VAT1L: variants seen among roughly 807,000 people sequenced by gnomAD.
VAT1L encodes putative NADPH-dependent quinone oxidoreductase VAT1L.
In VAT1L, 34 loss-of-function variants were observed where a neutral mutation model predicts 44.1. That is an observed-to-expected ratio of 0.77 (90% CI 0.59 to 1.03). VAT1L has a LOEUF of 1.03. Ranked by LOEUF, VAT1L falls within the 50% of genes least tolerant of loss-of-function variation. VAT1L has a pLI of 0.00. For synonymous variants in VAT1L, 253 were observed against 202.2 expected, an observed-to-expected ratio of 1.25 and a Z score of -2.13; for missense variants, 615 against 538.8, an observed-to-expected ratio of 1.14 and a Z score of -1.40.
intron 4 of VAT1L, among the ~76,000 whole-genome samples, chr16:77,870,534 G>A (rs981659458): frequency 4.6e-5 from 7 of 152,326 alleles, no homozygotes; most frequent in Admixed American, 1.3e-4. Flanking sequence ...AAGGAAAGAG[G>A]CAGCATTCAC....
chr16:77,869,904 G>C (rs2017013187), intron 4 of VAT1L, among the ~76,000 whole-genome samples: 2 of 152,270 alleles, frequency 1.3e-5, no homozygotes, highest in East Asian at 3.9e-4. Context: ...TATAAGATCA[G>C]AAAAGGCAGA....
At chr16:77,843,173 T>A (rs1567484875) in intron 3 of VAT1L, among the ~76,000 whole-genome samples, 1 of 152,238 alleles carries the variant, frequency 6.6e-6, no homozygotes, top group Non-Finnish European at 1.5e-5. Flanking sequence ...TCTACCCATC[T>A]GCTCATTGCC....
At chr16:77,832,248 C>G (rs1314328414) in intron 3 of VAT1L, among the ~76,000 whole-genome samples, 2 of 152,090 alleles carry the variant, frequency 1.3e-5, no homozygotes, top group African/African-American at 4.8e-5. Context: ...CTCGGTAAAA[C>G]TAAAGTTATT....
chr16:77,825,987 C>T (rs1436235105), intron 3 of VAT1L, among the ~76,000 whole-genome samples: 2 of 136,626 alleles, frequency 1.5e-5, no homozygotes, highest in African/African-American at 5.5e-5. Context: ...TGCGCCACTG[C>T]ACTCCAGCCT....
chr16:77,941,296 C>A (rs1456092026), intron 7 of VAT1L, among the ~76,000 whole-genome samples: 1 of 152,156 alleles, frequency 6.6e-6, no homozygotes, highest in Non-Finnish European at 1.5e-5. Flanking sequence ...CAGTAACTCT[C>A]TACCTTTAGA....
At chr16:77,973,121 G>A (rs1390243259) in intron 8 of VAT1L, among the ~76,000 whole-genome samples, 1 of 152,154 alleles carries the variant, frequency 6.6e-6, no homozygotes, top group Non-Finnish European at 1.5e-5. Context: ...GGTGTGGTCA[G>A]TGCACAGACC....
At chr16:77,826,157 A>G (rs1393276351) in intron 3 of VAT1L, among the ~76,000 whole-genome samples, 1 of 149,754 alleles carries the variant, frequency 6.7e-6, no homozygotes, top group Non-Finnish European at 1.5e-5. Context: ...CAGTGAGCCG[A>G]GATCCCGCCA....
intron 3 of VAT1L, among the ~76,000 whole-genome samples, chr16:77,842,859 A>C (rs954257388): frequency 7.2e-5 from 11 of 152,200 alleles, no homozygotes; most frequent in Non-Finnish European, 1.6e-4. Flanking sequence ...TGTATGCATA[A>C]TATGTATGTA....
intron 2 of VAT1L, among the ~76,000 whole-genome samples, chr16:77,818,184 A>G (rs1244152525): frequency 6.6e-6 from 1 of 152,174 alleles, no homozygotes; most frequent in Non-Finnish European, 1.5e-5. Flanking sequence ...AGAATCCTAT[A>G]AAATGCAGTG....
intron 2 of VAT1L, among the ~76,000 whole-genome samples, chr16:77,823,564 A>G (rs545555442): frequency 2.9e-4 from 44 of 152,324 alleles, no homozygotes; most frequent in African/African-American, 9.1e-4. Context: ...TCATTAGGCA[A>G]GATACTCAAC....
At chr16:77,804,946 G>T (rs370935577) in intron 1 of VAT1L, among the ~76,000 whole-genome samples, 13 of 152,090 alleles carry the variant, frequency 8.5e-5, no homozygotes, top group African/African-American at 3.1e-4. Flanking sequence ...CAGATGGGTC[G>T]GAAAACTCCG....
At chr16:77,861,715 C>A (rs897058127) in intron 3 of VAT1L, among the ~76,000 whole-genome samples, 5 of 152,238 alleles carry the variant, frequency 3.3e-5, no homozygotes, top group Admixed American at 2.0e-4. Context: ...GCCCACTTGA[C>A]TGGAAGAAGC....
chr16:77,799,507 GTGTGT>G (rs1567466591), intron 1 of VAT1L, among the ~76,000 whole-genome samples: 2 of 698 alleles, frequency 2.9e-3, no homozygotes, highest in East Asian at 0.083. Context: ...AATACATGGT[GTGTGT>G]GTGTGTGTGT....
intron 2 of VAT1L, among the ~76,000 whole-genome samples, chr16:77,820,808 C>G (rs3861261): frequency 0.18 from 26,856 of 152,142 alleles, 2,499 homozygotes; most frequent in Admixed American, 0.24. Flanking sequence ...TAAATAAAGG[C>G]ACTTAGCGCA....
At chr16:77,816,389 A>T (rs1438798280) in intron 1 of VAT1L, among the ~76,000 whole-genome samples, 1 of 152,130 alleles carries the variant, frequency 6.6e-6, no homozygotes, top group Non-Finnish European at 1.5e-5. Context: ...GGAGCTGTTT[A>T]TGCATAGTGC....
At chr16:77,948,713 T>G (rs2018002734) in intron 7 of VAT1L, among the ~76,000 whole-genome samples, 1 of 152,206 alleles carries the variant, frequency 6.6e-6, no homozygotes, top group African/African-American at 2.4e-5. Flanking sequence ...GACATAATAT[T>G]ATTTCATCTG....
At chr16:77,847,785 G>A (rs1250891707) in intron 3 of VAT1L, among the ~76,000 whole-genome samples, 1 of 152,212 alleles carries the variant, frequency 6.6e-6, no homozygotes, top group African/African-American at 2.4e-5. Flanking sequence ...TGCTGTGGTT[G>A]TGAATGGCAA....
chr16:77,915,634 C>G (rs775969970), intron 7 of VAT1L, among the ~76,000 whole-genome samples: 4 of 152,116 alleles, frequency 2.6e-5, no homozygotes, highest in Non-Finnish European at 5.9e-5. Flanking sequence ...TAAGGAAAGG[C>G]CTAGAGGCAG....
chr16:77,803,460 C>T (rs1046477186), intron 1 of VAT1L, among the ~76,000 whole-genome samples: 6 of 126,132 alleles, frequency 4.8e-5, no homozygotes, highest in African/African-American at 1.8e-4. Flanking sequence ...TGCTCTGTTG[C>T]CCAGGCTGGA....
Sources: gnomAD v4.1 joint callset for allele counts (sites outside exome capture counted in the v4.1 genomes callset) on GRCh38, gnomAD v4.1.1 for gene constraint, MANE v1.5 for transcripts, NCBI Gene and HGNC (gene_info 2026-07-23, HGNC 2026-07-21) for gene names.